GSE1: variants seen among roughly 807,000 people sequenced by gnomAD.
The protein encoded by GSE1 is Gse1 coiled-coil protein, also known as genetic suppressor element 1.
GSE1 carries 32 observed loss-of-function variants against 112.6 expected under a neutral mutation model. The observed-to-expected ratio is 0.28, with a 90% CI of 0.21 to 0.38. GSE1 has a LOEUF of 0.38. GSE1 is among the 10% of genes least tolerant of loss of function. GSE1 has a pLI of 1.00. For synonymous variants in GSE1, 1,115 were observed against 735.6 expected (o/e 1.52, Z -8.35); for missense variants, 2,348 against 1,699.2 (o/e 1.38, Z -6.71).
At chr16:85,328,996 G>A (rs193280778) in intron 1 of GSE1, among the ~76,000 whole-genome samples, 82 of 152,350 alleles carry the variant, frequency 5.4e-4, no homozygotes, top group African/African-American at 1.8e-3. Context: ...CAGGGCCCAA[G>A]AGGGGCGTTC....
intron 2 of GSE1, among the ~76,000 whole-genome samples, chr16:85,521,863 G>A (rs1182848550): frequency 6.6e-6 from 1 of 152,226 alleles, no homozygotes; most frequent in East Asian, 1.9e-4. Flanking sequence ...GTTCCCACAC[G>A]ACTCTTGTAA....
At chr16:85,572,086 A>G (rs1283173531) in intron 1 of GSE1, among the ~76,000 whole-genome samples, 1 of 149,186 alleles carries the variant, frequency 6.7e-6, no homozygotes, top group African/African-American at 2.5e-5. Context: ...ACCCCCCCAC[A>G]CCCCACATAC....
chr16:85,627,527 G>A (rs2151691350), intron 1 of GSE1, among the ~76,000 whole-genome samples: 1 of 152,080 alleles, frequency 6.6e-6, no homozygotes, highest in East Asian at 1.9e-4. Context: ...AGCTGACAGT[G>A]GCAGGAAGGG....
chr16:85,474,215 G>C (rs1299488853), intron 2 of GSE1, among the ~76,000 whole-genome samples: 1 of 152,084 alleles, frequency 6.6e-6, no homozygotes, highest in African/African-American at 2.4e-5. Context: ...AGAGAAGGGG[G>C]GCAGAGGTTT....
rs74574017 is a variant in GSE1 at position 85,234,371 on chromosome 16, C to T, written c.2283+62564C>T. Among the ~76,000 whole-genome samples, 1,201 of 152,268 alleles carry T rather than the reference C, an allele frequency of 7.9e-3. 19 individuals carry two copies. Among genetic ancestry groups the T allele is most frequent in the Middle Eastern group, 0.027 (8 of 294 alleles). On this transcript the variant is annotated intron_variant, in intron 1 of 2. Transcript: ENST00000637419. ...GTCTGTACAGTGGGGATCACATGAG[C>T]ACCACCTCCCCAGGTTCTCCGGCTC...
At chr16:85,453,266 G>C (rs573766995) in intron 2 of GSE1, among the ~76,000 whole-genome samples, 1 of 152,132 alleles carries the variant, frequency 6.6e-6, no homozygotes, top group Non-Finnish European at 1.5e-5. Flanking sequence ...GTGGCTCGGG[G>C]ACCCTGAGCA....
chr16:85,638,837 G>T (rs924690868), intron 2 of GSE1, among the ~76,000 whole-genome samples: 1 of 152,020 alleles, frequency 6.6e-6, no homozygotes, highest in African/African-American at 2.4e-5. Context: ...CCCCGGTGGG[G>T]TTGGAAGGTG....
At chr16:85,662,879 G>A in intron 9 of GSE1, 102 bp from the exon 10 acceptor site, 1 of 807,730 alleles carries the variant, frequency 1.2e-6, no homozygotes, top group Non-Finnish European at 2.1e-6. Flanking sequence ...GTGCCAGCAG[G>A]CCTGGCCTGA....
At chr16:85,223,952 A>T (rs1379581402) in intron 1 of GSE1, among the ~76,000 whole-genome samples, 1 of 152,158 alleles carries the variant, frequency 6.6e-6, no homozygotes, top group Non-Finnish European at 1.5e-5. Context: ...CATTTAGCCC[A>T]TTCACAAGGC....
chr16:85,672,160 G>T, intron 15 of GSE1: 1 of 493,380 alleles, frequency 2.0e-6, no homozygotes, highest in Non-Finnish European at 3.8e-6. Context: ...CACCATGCCT[G>T]GCTAATTTTT....
intron 1 of GSE1, among the ~76,000 whole-genome samples, chr16:85,256,865 A>G (rs1168147207): frequency 6.6e-6 from 1 of 152,258 alleles, no homozygotes; most frequent in African/African-American, 2.4e-5. Flanking sequence ...AACGCAACGC[A>G]AAATTCAGTT....
intron 2 of GSE1, among the ~76,000 whole-genome samples, chr16:85,537,127 T>A (rs2044357466): frequency 6.6e-6 from 1 of 152,188 alleles, no homozygotes; most frequent in African/African-American, 2.4e-5. Context: ...GCCCGTTCTG[T>A]GGCTCATTAG....
intron 1 of GSE1, among the ~76,000 whole-genome samples, chr16:85,564,148 C>G (rs1479166985): frequency 6.6e-6 from 1 of 152,204 alleles, no homozygotes; most frequent in Non-Finnish European, 1.5e-5. Context: ...GCTCTGGAAA[C>G]TCTTAGAAGC....
chr16:85,448,264 T>TG (rs148390363), intron 2 of GSE1, among the ~76,000 whole-genome samples: 2,715 of 152,348 alleles, frequency 0.018, 56 homozygotes, highest in East Asian at 0.12. Context: ...TTAGGGATTC[T>TG]GGGGTACAGC....
At chr16:85,300,327 T>A (rs1272119210) in intron 1 of GSE1, among the ~76,000 whole-genome samples, 1 of 152,328 alleles carries the variant, frequency 6.6e-6, no homozygotes, top group African/African-American at 2.4e-5. Context: ...TAGCCATTTT[T>A]AAGTATACAC....
At chr16:85,314,027 C>G (rs528802998) in intron 1 of GSE1, among the ~76,000 whole-genome samples, 37 of 151,250 alleles carry the variant, frequency 2.4e-4, no homozygotes, top group Middle Eastern at 3.4e-3. Context: ...GTGTATAAGA[C>G]ATAGCCATTT....
intron 1 of GSE1, among the ~76,000 whole-genome samples, chr16:85,304,342 G>A (rs926495021): frequency 6.6e-6 from 1 of 152,232 alleles, no homozygotes; most frequent in South Asian, 2.1e-4. Flanking sequence ...ACAGCCAGGT[G>A]GGGAGAGGCC....
chr16:85,201,745 G>T (rs2075033186), intron 1 of GSE1, among the ~76,000 whole-genome samples: 1 of 152,178 alleles, frequency 6.6e-6, no homozygotes, highest in Non-Finnish European at 1.5e-5. Context: ...GTGCCCCACA[G>T]TTCCAGACTT....
chr16:85,395,145 G>C (rs888978571), intron 2 of GSE1, among the ~76,000 whole-genome samples: 4 of 152,120 alleles, frequency 2.6e-5, no homozygotes, highest in Non-Finnish European at 5.9e-5. Context: ...AGGATGGTCT[G>C]GGGCAAGCTG....
Sources: allele counts gnomAD v4.1 joint callset (sites outside exome capture counted in the v4.1 genomes callset), GRCh38; gene constraint gnomAD v4.1.1; transcripts MANE v1.5; gene names NCBI Gene and HGNC (gene_info 2026-07-23, HGNC 2026-07-21).